PHTF2: variants seen among roughly 807,000 people sequenced by gnomAD.
PHTF2 encodes protein PHTF2.
PHTF2 carries 60 observed loss-of-function variants against 101.2 expected under a neutral mutation model. The ratio of observed to expected loss-of-function variants is 0.59; its 90% confidence interval spans 0.48 to 0.73. PHTF2 has a LOEUF of 0.73. Ranked by LOEUF, PHTF2 falls within the 30% of genes least tolerant of loss-of-function variation. The probability of loss-of-function intolerance (pLI) is 0.00; values close to 1 mark genes in which losing one functional copy is unlikely to be tolerated. For missense variants in PHTF2, 747 were observed against 908.7 expected (o/e 0.82, Z 2.29); for synonymous variants, 311 against 307.3 (o/e 1.01, Z -0.13).
chr7:77,857,636 G>A (rs916325744), intron 3 of PHTF2, among the ~76,000 whole-genome samples: 2 of 152,176 alleles, frequency 1.3e-5, no homozygotes, highest in Admixed American at 6.5e-5. Flanking sequence ...AAAACCTTCC[G>A]TCACAACCAT....
intron 5 of PHTF2, among the ~76,000 whole-genome samples, chr7:77,894,736 C>G (rs1442066324): frequency 1.3e-5 from 2 of 152,014 alleles, no homozygotes; most frequent in Non-Finnish European, 2.9e-5. Context: ...AGAGGGGAGA[C>G]AAGCCTGGGG....
chr7:77,816,130 A>G (rs572507991), intron 1 of PHTF2, among the ~76,000 whole-genome samples: 1 of 152,070 alleles, frequency 6.6e-6, no homozygotes, highest in Non-Finnish European at 1.5e-5. Context: ...GCTGAAATGC[A>G]ATGGTGCAAT....
rs144282182 is a variant in PHTF2, at chr7:77,812,032, T to G, written c.-36+13061T>G. 5.5e-3 allele frequency among the ~76,000 whole-genome samples: 836 copies of G among 152,300 alleles called. 15 individuals are homozygous for G. The highest frequency in any genetic ancestry group is 0.019 in the African/African-American group (785 of 41,560). On this transcript the variant is annotated intron_variant, in intron 1 of 19. Coordinates refer to ENST00000416283, the Ensembl canonical transcript of PHTF2. The stretch of plus-strand genomic sequence containing the variant: ...ATCACAAGAAATTATAGCTCCAATG[T>G]TTTGCATTCTTCAAATACATTATTT...
intron 1 of PHTF2, among the ~76,000 whole-genome samples, chr7:77,833,727 A>G (rs1240303733): frequency 1.3e-5 from 2 of 152,178 alleles, no homozygotes; most frequent in African/African-American, 4.8e-5. Context: ...TTGGGAAGCT[A>G]AGGCAGGACA....
At chr7:77,823,106 G>A (rs1022572646) in intron 1 of PHTF2, among the ~76,000 whole-genome samples, 1 of 151,602 alleles carries the variant, frequency 6.6e-6, no homozygotes, top group South Asian at 2.1e-4. Context: ...GGGTTTCACC[G>A]TGTTAGCCAG....
intron 1 of PHTF2, among the ~76,000 whole-genome samples, chr7:77,815,234 G>T (rs143969709): frequency 2.8e-4 from 43 of 152,278 alleles, no homozygotes; most frequent in African/African-American, 1.0e-3. Context: ...GAACATGCGT[G>T]TTGGGAACCT....
At chr7:77,875,571 T>A (rs944891897) in intron 3 of PHTF2, among the ~76,000 whole-genome samples, 3 of 151,612 alleles carry the variant, frequency 2.0e-5, no homozygotes, top group Non-Finnish European at 4.4e-5. Context: ...TATTATTATT[T>A]TTTTGACATG....
At chr7:77,824,124 G>A (rs907386419) in intron 1 of PHTF2, among the ~76,000 whole-genome samples, 4 of 152,122 alleles carry the variant, frequency 2.6e-5, no homozygotes, top group African/African-American at 9.7e-5. Context: ...AGTGGTTTCT[G>A]TGTGCCAGGT....
intron 2 of PHTF2, among the ~76,000 whole-genome samples, chr7:77,842,886 T>C (rs73375804): frequency 0.12 from 17,526 of 152,232 alleles, 1,518 homozygotes; most frequent in African/African-American, 0.23. Context: ...AAAGCAGCCA[T>C]AGACACTATA....
At chr7:77,895,246 A>T (rs974618853) in intron 5 of PHTF2, 1 of 425,572 alleles carries the variant, frequency 2.3e-6, no homozygotes, top group Non-Finnish European at 4.7e-6. Flanking sequence ...TTATATAGAT[A>T]TAGCTATAGG....
intron 3 of PHTF2, among the ~76,000 whole-genome samples, chr7:77,888,129 T>G (rs2150776503): frequency 6.6e-6 from 1 of 152,352 alleles, no homozygotes; most frequent in South Asian, 2.1e-4. Context: ...GTACTTTTTT[T>G]TTTGAGACGG....
chr7:77,909,026 C>T (rs1802119388), intron 8 of PHTF2, 68 bp downstream of exon 7: 1 of 1,025,888 alleles, frequency 9.7e-7, no homozygotes, highest in Non-Finnish European at 1.4e-6. Context: ...GTTCTTGACT[C>T]CTCTTACCTT....
At chr7:77,896,238 G>T (rs1326820074) in intron 5 of PHTF2, among the ~76,000 whole-genome samples, 1 of 151,884 alleles carries the variant, frequency 6.6e-6, no homozygotes, top group Non-Finnish European at 1.5e-5. Context: ...GAGCTTTTGG[G>T]GTATCCATCA....
intron 18 of PHTF2, among the ~76,000 whole-genome samples, chr7:77,953,072 G>A (rs937275927): frequency 6.6e-6 from 1 of 152,142 alleles, no homozygotes; most frequent in Non-Finnish European, 1.5e-5. Context: ...ACAATGCTGA[G>A]CAACCTGTAG....
intron 12 of PHTF2, among the ~76,000 whole-genome samples, chr7:77,932,621 AGTGTGTGTGTGT>A (rs56005414): frequency 5.1e-4 from 61 of 118,560 alleles, no homozygotes; most frequent in East Asian, 3.1e-3. Context: ...AGAGAGAGAG[AGTGTGTGTGTGT>A]GTGTGTGTGT....
chr7:77,915,144 C>T (rs899522497), intron 9 of PHTF2, among the ~76,000 whole-genome samples: 37 of 151,844 alleles, frequency 2.4e-4, no homozygotes, highest in African/African-American at 8.0e-4. Flanking sequence ...TCCTTGACTT[C>T]GTGATCCTCC....
At chr7:77,908,956 A>G (rs1181132265) in exon 8 of PHTF2, 1 of 1,586,046 alleles carries the variant, frequency 6.3e-7, no homozygotes, top group Non-Finnish European at 8.6e-7. Context: ...GTAAAAGAAG[A>G]AGGTACTGTT....
intron 3 of PHTF2, among the ~76,000 whole-genome samples, chr7:77,864,781 T>C (rs1797920886): frequency 1.4e-5 from 2 of 147,200 alleles, no homozygotes; most frequent in South Asian, 2.1e-4. Flanking sequence ...GGTATAGCGC[T>C]TTTTTTTTTT....
At chr7:77,901,959 T>C in intron 7 of PHTF2, 39 bp downstream of exon 6, 1 of 1,291,212 alleles carries the variant, frequency 7.7e-7, no homozygotes, top group South Asian at 1.7e-5. Context: ...TTTCAGAATG[T>C]TACATTGTTA....
Sources: gnomAD v4.1 joint callset for allele counts (sites outside exome capture counted in the v4.1 genomes callset) on GRCh38, gnomAD v4.1.1 for gene constraint, MANE v1.5 for transcripts, NCBI Gene and HGNC (gene_info 2026-07-23, HGNC 2026-07-21) for gene names.